Variants in CNTLN observed in about 807,000 individuals in gnomAD.
CNTLN encodes the protein centlein, also known as centlein, centrosomal protein.
A neutral mutation model predicts 180.0 loss-of-function variants in CNTLN; 212 were observed. The ratio of observed to expected loss-of-function variants is 1.18; its 90% CI spans 1.05 to 1.32. The LOEUF is 1.32. Among genes scored for constraint, CNTLN ranks in the 40% most tolerant of loss-of-function variants. The pLI is 0.00. For missense variants in CNTLN, 2,095 were observed against 1,610.9 expected, an observed-to-expected ratio of 1.30 and a Z score of -5.14; for synonymous variants, 722 against 563.1, an observed-to-expected ratio of 1.28 and a Z score of -3.99.
At chr9:17,176,190 G>A (rs1296888067) in intron 2 of CNTLN, among the ~76,000 whole-genome samples, 1 of 151,940 alleles carries the variant, frequency 6.6e-6, no homozygotes, top group East Asian at 1.9e-4. Context: ...CTATTTTAGA[G>A]AGAAATCAGT....
chr9:17,417,278 T>C (rs1262433221), intron 18 of CNTLN, among the ~76,000 whole-genome samples: 2 of 152,108 alleles, frequency 1.3e-5, no homozygotes, highest in Admixed American at 1.3e-4. Flanking sequence ...GAATTTTCTT[T>C]TCTTCTCTTT....
intron 12 of CNTLN, among the ~76,000 whole-genome samples, chr9:17,362,571 A>C (rs183573722): frequency 6.6e-6 from 1 of 152,212 alleles, no homozygotes; most frequent in South Asian, 2.1e-4. Flanking sequence ...TTTTACTTCA[A>C]ATAACTTTTT....
At chr9:17,486,178 G>A (rs1023879895) in intron 24 of CNTLN, among the ~76,000 whole-genome samples, 1 of 152,104 alleles carries the variant, frequency 6.6e-6, no homozygotes, top group African/African-American at 2.4e-5. Flanking sequence ...ATTTGCCCAA[G>A]CAGAGCCCAG....
chr9:17,189,578 G>A (rs1030789504), intron 2 of CNTLN, among the ~76,000 whole-genome samples: 1 of 151,562 alleles, frequency 6.6e-6, no homozygotes, highest in African/African-American at 2.4e-5. Flanking sequence ...CCGCCTCCCA[G>A]GTTCAAGCGA....
At chr9:17,232,020 A>G (rs2132124349) in intron 3 of CNTLN, among the ~76,000 whole-genome samples, 1 of 152,222 alleles carries the variant, frequency 6.6e-6, no homozygotes, top group Non-Finnish European at 1.5e-5. Flanking sequence ...TATTAACTCA[A>G]GCCAGGCTAT....
At chr9:17,424,551 T>A (rs935515234) in intron 18 of CNTLN, among the ~76,000 whole-genome samples, 1 of 152,170 alleles carries the variant, frequency 6.6e-6, no homozygotes, top group African/African-American at 2.4e-5. Flanking sequence ...CATAGCACAC[T>A]TTTTAGAAAG....
At chr9:17,378,382 T>C (rs1025101238) in intron 13 of CNTLN, among the ~76,000 whole-genome samples, 1 of 152,170 alleles carries the variant, frequency 6.6e-6, no homozygotes. Flanking sequence ...GGTTTCACCA[T>C]GTTGGCCAGG....
intron 3 of CNTLN, 134 bp from the exon 4 acceptor site, chr9:17,235,524 A>G: frequency 1.5e-6 from 1 of 682,366 alleles, no homozygotes; most frequent in Non-Finnish European, 2.4e-6. Context: ...AGGAGATGAG[A>G]ATTGTGGTGA....
Position 17,388,172 on chromosome 9 carries a change from T to C in CNTLN, c.1998T>C (p.Phe666=). 2 of 1,607,120 alleles carry C rather than the reference T, an allele frequency of 1.2e-6. No individual in the cohort carries two copies. The highest frequency in any genetic ancestry group is 1.7e-6 in the Non-Finnish European group (2 of 1,174,444). ...TTTATTCTCTACCAGAACAGCTCTT[T>C]AGATCTGGTGAAGATGATGAGGTCA... is the stretch of plus-strand genomic sequence containing the variant. ...CVAERREEQL[F]RSGEDDEVKR... The change falls in exon 14 of 26, where the codon TTT becomes TTC. Residue 666 remains phenylalanine (F), a synonymous_variant. Coordinates refer to ENST00000380647, the MANE Select transcript of CNTLN (RefSeq NM_017738.4).
At chr9:17,212,510 A>C (rs1056507069) in intron 2 of CNTLN, among the ~76,000 whole-genome samples, 1 of 152,096 alleles carries the variant, frequency 6.6e-6, no homozygotes, top group African/African-American at 2.4e-5. Context: ...ATTGGTCTAA[A>C]ATTCTCCTTT....
chr9:17,329,873 A>G (rs920670123), intron 8 of CNTLN, among the ~76,000 whole-genome samples: 2 of 151,534 alleles, frequency 1.3e-5, no homozygotes, highest in African/African-American at 4.8e-5. Flanking sequence ...CTGTAAGTCA[A>G]CAAAAACTGT....
chr9:17,506,825 AT>A (rs951897017), downstream of CNTLN, among the ~76,000 whole-genome samples: 1 of 151,890 alleles, frequency 6.6e-6, no homozygotes, highest in African/African-American at 2.4e-5. Flanking sequence ...AAGAGTTGCT[AT>A]TTTTTTCCTC....
chr9:17,186,014 A>G (rs1464471869), intron 2 of CNTLN, among the ~76,000 whole-genome samples: 1 of 151,456 alleles, frequency 6.6e-6, no homozygotes, highest in Non-Finnish European at 1.5e-5. Context: ...TTGGTCTTGA[A>G]CTCTTGAGCT....
chr9:17,207,711 A>C (rs568777034), intron 2 of CNTLN, among the ~76,000 whole-genome samples: 1 of 150,548 alleles, frequency 6.6e-6, no homozygotes, highest in South Asian at 2.1e-4. Flanking sequence ...TGGGTCCCTC[A>C]CTTGGAAATG....
chr9:17,318,033 T>G (rs10118165), intron 8 of CNTLN, among the ~76,000 whole-genome samples: 1 of 148,064 alleles, frequency 6.8e-6, no homozygotes, highest in East Asian at 2.0e-4. Flanking sequence ...CTTTTCTTTT[T>G]TTTTTTTTTT....
chr9:17,391,121 G>A (rs1172683113), intron 14 of CNTLN, among the ~76,000 whole-genome samples: 1 of 152,164 alleles, frequency 6.6e-6, no homozygotes, highest in African/African-American at 2.4e-5. Flanking sequence ...ATAAAGAAAG[G>A]ATAGCCATGT....
At chr9:17,361,346 C>A (rs1823375445) in intron 12 of CNTLN, among the ~76,000 whole-genome samples, 2 of 152,140 alleles carry the variant, frequency 1.3e-5, no homozygotes, top group Admixed American at 6.5e-5. Context: ...TATCTCTACT[C>A]ATTAGAATGA....
intron 18 of CNTLN, among the ~76,000 whole-genome samples, chr9:17,433,830 C>T (rs987828244): frequency 1.3e-5 from 2 of 152,166 alleles, no homozygotes; most frequent in Non-Finnish European, 2.9e-5. Flanking sequence ...GTCCTCTCAC[C>T]TTGGCCTCCC....
At position 17,462,944 on chromosome 9, in the gene CNTLN, C is replaced by A; in HGVS notation, c.3335C>A (p.Ser1112Ter). ...GCTACTAATGAACTCACTAAACAGT[C>A]ATCAAATGTGAAGACTTTGAAATTT... The part of the protein sequence containing the change: ...KNATNELTKQ[S>*]SNVKTLKFEL... Residue 1112 changes from serine to a stop codon, truncating the protein, a stop_gained, in exon 20 of 26, where the codon TCA becomes TAA. Coordinates refer to ENST00000380647, the MANE Select transcript of CNTLN (RefSeq NM_017738.4). LOFTEE classifies it high-confidence loss of function. The A allele has an allele frequency of 1.3e-6, 2 of 1,577,624 alleles. No individual in the cohort carries two copies. The highest frequency in any genetic ancestry group is 1.7e-6 in the Non-Finnish European group (2 of 1,164,782).
Sources: allele counts gnomAD v4.1 joint callset (sites outside exome capture counted in the v4.1 genomes callset), GRCh38; gene constraint gnomAD v4.1.1; transcripts MANE v1.5; gene names NCBI Gene and HGNC (gene_info 2026-07-23, HGNC 2026-07-21).